The following SNTG1 variants were observed in gnomAD, a reference collection of about 807,000 sequenced individuals.
SNTG1 encodes syntrophin gamma 1, also known as gamma-1-syntrophin.
Under a neutral mutation model 74.7 loss-of-function variants are expected in SNTG1, and 39 were observed. The ratio of observed to expected loss-of-function variants is 0.52; its 90% CI spans 0.40 to 0.68. The LOEUF (loss-of-function observed/expected upper bound fraction) is 0.68. SNTG1 is among the 30% of genes least tolerant of loss of function. The pLI, the probability that SNTG1 is intolerant of heterozygous loss-of-function variation, is 0.00. For missense variants in SNTG1, 685 were observed against 609.5 expected, an observed-to-expected ratio of 1.12 and a Z score of -1.30; for synonymous variants, 254 against 217.1, an observed-to-expected ratio of 1.17 and a Z score of -1.49.
chr8:50,333,291 C>T (rs2130890111), intron 2 of SNTG1, among the ~76,000 whole-genome samples: 1 of 152,284 alleles, frequency 6.6e-6, no homozygotes, highest in Non-Finnish European at 1.5e-5. Context: ...AATGAATTAA[C>T]CATTATTGAT....
intron 2 of SNTG1, among the ~76,000 whole-genome samples, chr8:50,374,327 G>A (rs2092331341): frequency 6.6e-6 from 1 of 152,188 alleles, no homozygotes; most frequent in Non-Finnish European, 1.5e-5. Flanking sequence ...TGGAGTCCTG[G>A]AAGAAAGAGC....
At chr8:50,498,259 T>G (rs1269406567) in intron 8 of SNTG1, among the ~76,000 whole-genome samples, 1 of 151,898 alleles carries the variant, frequency 6.6e-6, no homozygotes, top group African/African-American at 2.4e-5. Context: ...CTCCAAAACC[T>G]TACACACACT....
chr8:50,404,775 C>T (rs1048017462), intron 4 of SNTG1, among the ~76,000 whole-genome samples: 1 of 152,050 alleles, frequency 6.6e-6, no homozygotes, highest in African/African-American at 2.4e-5. Flanking sequence ...TCATGCCATA[C>T]TGAAACTCTG....
At chr8:50,105,368 T>A (rs1310092738) in intron 1 of SNTG1, among the ~76,000 whole-genome samples, 1 of 152,166 alleles carries the variant, frequency 6.6e-6, no homozygotes, top group African/African-American at 2.4e-5. Flanking sequence ...GCACTCTCCA[T>A]TCTATTCCAT....
At chr8:50,269,241 A>G (rs188230160) in intron 2 of SNTG1, among the ~76,000 whole-genome samples, 1 of 152,326 alleles carries the variant, frequency 6.6e-6, no homozygotes, top group East Asian at 1.9e-4. Flanking sequence ...TGGGCTTTAT[A>G]AAAATTAAAA....
At chr8:50,198,526 C>T (rs1026957908) in intron 2 of SNTG1, among the ~76,000 whole-genome samples, 2 of 152,170 alleles carry the variant, frequency 1.3e-5, no homozygotes, top group African/African-American at 4.8e-5. Context: ...CAGGGCTCTG[C>T]AAGCCCTGAT....
intron 2 of SNTG1, among the ~76,000 whole-genome samples, chr8:50,227,186 G>A (rs1253576589): frequency 6.6e-6 from 1 of 152,134 alleles, no homozygotes; most frequent in Non-Finnish European, 1.5e-5. Flanking sequence ...CTTCTGTGGA[G>A]AAGAAGGCCC....
intron 1 of SNTG1, among the ~76,000 whole-genome samples, chr8:50,021,306 G>A (rs1329024462): frequency 6.6e-6 from 1 of 152,068 alleles, no homozygotes; most frequent in Admixed American, 6.6e-5. Flanking sequence ...TTTGAATCCT[G>A]TCAATTTTAC....
In SNTG1 at chr8:49,927,776, T is replaced by C. The variant is rs1034151079; in HGVS notation, c.-103+15545T>C. Among the ~76,000 whole-genome samples, 6 of 152,166 alleles carry C rather than the reference T, an allele frequency of 3.9e-5. No homozygotes were observed. The East Asian group carries it at 7.8e-4, about 20-fold the overall frequency. ...GTGGACAAAAGTCATTATATGTTTG[T>C]CCAGACCCACAGAATGTACAGTACC... On this transcript the variant is annotated intron_variant, in intron 1 of 18. Transcript: ENST00000642720.
chr8:49,933,903 C>G (rs914409170), intron 1 of SNTG1, among the ~76,000 whole-genome samples: 7 of 152,084 alleles, frequency 4.6e-5, no homozygotes, highest in African/African-American at 1.4e-4. Context: ...TATTTATGGT[C>G]TCTGCTTAGG....
At chr8:50,085,678 T>C (rs1822818440) in intron 1 of SNTG1, among the ~76,000 whole-genome samples, 1 of 152,226 alleles carries the variant, frequency 6.6e-6, no homozygotes, top group Non-Finnish European at 1.5e-5. Flanking sequence ...GGATATAAAG[T>C]AATCCTGACC....
intron 1 of SNTG1, among the ~76,000 whole-genome samples, chr8:50,083,915 G>A (rs528120441): frequency 6.6e-6 from 1 of 152,054 alleles, no homozygotes; most frequent in South Asian, 2.1e-4. Context: ...ATATCAAATG[G>A]TTTTCTTATT....
At chr8:50,500,110 A>T (rs1485364793) in intron 8 of SNTG1, among the ~76,000 whole-genome samples, 2 of 151,974 alleles carry the variant, frequency 1.3e-5, no homozygotes, top group Non-Finnish European at 2.9e-5. Flanking sequence ...ATCCAATTGG[A>T]GAAATTTTCA....
chr8:50,148,900 T>C (rs1314986128), intron 1 of SNTG1, among the ~76,000 whole-genome samples: 1 of 152,252 alleles, frequency 6.6e-6, no homozygotes, highest in Non-Finnish European at 1.5e-5. Context: ...TTATAATCCT[T>C]TGGGTATATA....
intron 2 of SNTG1, among the ~76,000 whole-genome samples, chr8:50,189,029 A>G (rs1273991924): frequency 1.3e-5 from 2 of 152,162 alleles, no homozygotes; most frequent in East Asian, 3.9e-4. Flanking sequence ...TAAATGGGCC[A>G]GAGAAGCATA....
At chr8:49,913,383 G>A (rs755371344) in intron 1 of SNTG1, among the ~76,000 whole-genome samples, 16 of 152,152 alleles carry the variant, frequency 1.1e-4, no homozygotes, top group African/African-American at 2.2e-4. Context: ...ATATCTATAC[G>A]TACCTTCCTT....
intron 1 of SNTG1, among the ~76,000 whole-genome samples, chr8:50,170,890 A>G (rs2082782476): frequency 2.6e-5 from 4 of 152,150 alleles, no homozygotes; most frequent in African/African-American, 9.7e-5. Context: ...AACCATCTCC[A>G]CAGGGCAGCC....
intron 13 of SNTG1, among the ~76,000 whole-genome samples, chr8:50,648,624 A>G (rs2095125308): frequency 6.6e-6 from 1 of 152,182 alleles, no homozygotes; most frequent in African/African-American, 2.4e-5. Flanking sequence ...TTATTTGAAT[A>G]AGATAGTGGT....
At chr8:50,753,879 A>G (rs2095573738) in intron 18 of SNTG1, among the ~76,000 whole-genome samples, 1 of 152,004 alleles carries the variant, frequency 6.6e-6, no homozygotes, top group African/African-American at 2.4e-5. Context: ...CCTTTATAAA[A>G]TAAAAGAAAA....
Sources: gnomAD v4.1 joint callset for allele counts (sites outside exome capture counted in the v4.1 genomes callset) on GRCh38, gnomAD v4.1.1 for gene constraint, MANE v1.5 for transcripts, NCBI Gene and HGNC (gene_info 2026-07-23, HGNC 2026-07-21) for gene names.